The following PARD3 variants were observed in gnomAD, a reference collection of about 807,000 sequenced individuals.
PARD3 encodes the protein partitioning defective 3 homolog.
Under a neutral mutation model 155.4 loss-of-function variants are expected in PARD3, and 75 were observed. The ratio of observed to expected loss-of-function variants is 0.48; its 90% CI spans 0.40 to 0.58. PARD3 has a LOEUF of 0.58. PARD3 is among the 20% of genes least tolerant of loss of function. PARD3 has a pLI of 0.00. For synonymous variants in PARD3, 576 were observed against 610.5 expected (o/e 0.94, Z 0.83); for missense variants, 1,642 against 1,721.7 (o/e 0.95, Z 0.82).
intron 2 of PARD3, among the ~76,000 whole-genome samples, chr10:34,653,155 T>C (rs1033918627): frequency 3.2e-4 from 49 of 152,114 alleles, no homozygotes; most frequent in African/African-American, 1.2e-3. Flanking sequence ...AAAAATGGTA[T>C]TTTGGGCTGT....
intron 23 of PARD3, among the ~76,000 whole-genome samples, chr10:34,120,451 T>G (rs1170815800): frequency 6.6e-6 from 1 of 152,062 alleles, no homozygotes; most frequent in Non-Finnish European, 1.5e-5. Context: ...AAATAAAAAT[T>G]TGCTACAACT....
chr10:34,686,758 A>C (rs1429543799), intron 2 of PARD3, among the ~76,000 whole-genome samples: 1 of 151,610 alleles, frequency 6.6e-6, no homozygotes, highest in Non-Finnish European at 1.5e-5. Context: ...AAAAGAAAAA[A>C]AAAAGCCAGG....
intron 20 of PARD3, among the ~76,000 whole-genome samples, chr10:34,288,370 A>G (rs1206510073): frequency 6.6e-6 from 1 of 152,240 alleles, no homozygotes; most frequent in African/African-American, 2.4e-5. Flanking sequence ...ATATTACTTT[A>G]TAATTGGGAC....
At chr10:34,511,279 ATGT>A (rs753830221) in intron 3 of PARD3, among the ~76,000 whole-genome samples, 13 of 152,060 alleles carry the variant, frequency 8.5e-5, no homozygotes, top group Non-Finnish European at 1.8e-4. Context: ...CTTATAGGAG[ATGT>A]TGTGTTTTTT....
chr10:34,784,589 A>T (rs1840704933), intron 1 of PARD3, among the ~76,000 whole-genome samples: 1 of 152,142 alleles, frequency 6.6e-6, no homozygotes, highest in African/African-American at 2.4e-5. Flanking sequence ...GGCACACGCC[A>T]CCATGCCAGG....
At chr10:34,285,693 C>T (rs140444199) in intron 20 of PARD3, among the ~76,000 whole-genome samples, 99 of 151,958 alleles carry the variant, frequency 6.5e-4, no homozygotes, top group African/African-American at 2.1e-3. Context: ...TTTATTAATA[C>T]AAATCTGATT....
intron 3 of PARD3, among the ~76,000 whole-genome samples, chr10:34,503,822 C>T (rs1240936963): frequency 6.6e-6 from 1 of 152,164 alleles, no homozygotes; most frequent in Non-Finnish European, 1.5e-5. Context: ...TGGGAATACA[C>T]AGTGTGCCAG....
chr10:34,453,711 A>G (rs1418694959), intron 4 of PARD3, among the ~76,000 whole-genome samples: 1 of 152,234 alleles, frequency 6.6e-6, no homozygotes, highest in Non-Finnish European at 1.5e-5. Context: ...TGTCACACCT[A>G]CAGCATATGA....
In PARD3 at chr10:34,517,053, G is replaced by A; in HGVS notation, c.329C>T (p.Thr110Ile). 6.2e-7 allele frequency: 1 copy of A among 1,614,170 alleles called. No homozygotes were observed. Among genetic ancestry groups the A allele is most frequent in the Non-Finnish European group, 8.5e-7 (1 of 1,180,004 alleles). The change falls in exon 3 of 25, where the codon ACC becomes ATC. Residue 110 changes from threonine (T) to isoleucine (I), a missense_variant. This residue lies in a region of PARD3 where 1,529 missense variants were observed against 1,587.3 expected (regional missense o/e 0.96). Coordinates refer to ENST00000374788, the MANE Select transcript of PARD3 (RefSeq NM_001184785.2). ...SPEIFGSELGTNNVSAFQPYQ... is the reference protein window; with the variant it reads ...SPEIFGSELGINNVSAFQPYQ... ...AGGCTGAAAGGCTGAGACATTGTTGGTGCCAAGCTCACTACCAAATATCTC... is the reference window on the plus strand; with the variant it reads ...AGGCTGAAAGGCTGAGACATTGTTGATGCCAAGCTCACTACCAAATATCTC...
intron 20 of PARD3, among the ~76,000 whole-genome samples, chr10:34,299,968 T>C (rs940580458): frequency 6.6e-6 from 1 of 152,250 alleles, no homozygotes; most frequent in Non-Finnish European, 1.5e-5. Context: ...GTCTACACTT[T>C]CCTGGGAAAT....
intron 5 of PARD3, among the ~76,000 whole-genome samples, chr10:34,427,160 A>G (rs1269851093): frequency 2.0e-5 from 3 of 152,226 alleles, no homozygotes; most frequent in Admixed American, 6.5e-5. Flanking sequence ...TAAGAACAGG[A>G]TAACAGCGAT....
chr10:34,119,560 G>C (rs1279834951), intron 24 of PARD3, 53 bp downstream of exon 24: 19 of 1,533,396 alleles, frequency 1.2e-5, no homozygotes, highest in Non-Finnish European at 1.8e-6. Flanking sequence ...CTAAAGGGCG[G>C]GGGATCTTAA....
intron 2 of PARD3, among the ~76,000 whole-genome samples, chr10:34,643,268 G>A (rs2092736102): frequency 6.6e-6 from 1 of 152,190 alleles, no homozygotes; most frequent in South Asian, 2.1e-4. Context: ...GTGTTCTGTG[G>A]TACAACTTCA....
Position 34,696,294 on chromosome 10 carries a change from A to C in PARD3, c.222+24T>G, listed in dbSNP as rs780928108. The C allele has an allele frequency of 2.5e-5, 35 of 1,414,792 alleles. No homozygotes were observed. In the South Asian group the frequency reaches 4.0e-4, roughly 16 times the overall value. The allele number at this position is 1,414,792 out of a possible 1,614,324, so 87.6% of individuals were successfully genotyped here. On this transcript the variant is annotated intron_variant, in intron 2 of 24. Transcript: ENST00000374788. ...CAAAAAAAAAAAATGCATTCAGAAC[A>C]GGTTCCCCAGGACCTGAACTCACTC...
At chr10:34,394,480 C>T (rs1049263144) in intron 7 of PARD3, among the ~76,000 whole-genome samples, 2 of 152,156 alleles carry the variant, frequency 1.3e-5, no homozygotes, top group African/African-American at 4.8e-5. Context: ...TGTATGCCAG[C>T]ACACTCGGCT....
chr10:34,239,843 A>G (rs2133641621), intron 22 of PARD3, among the ~76,000 whole-genome samples: 1 of 152,120 alleles, frequency 6.6e-6, no homozygotes, highest in Admixed American at 6.6e-5. Context: ...AAGTAGAAAT[A>G]CCCTACCATC....
intron 2 of PARD3, among the ~76,000 whole-genome samples, chr10:34,539,119 C>CA (rs2083424453): frequency 6.6e-6 from 1 of 152,166 alleles, no homozygotes; most frequent in African/African-American, 2.4e-5. Flanking sequence ...TCAGACATCA[C>CA]AGGAGGTGTT....
At chr10:34,408,152 AAAG>A (rs1375120678) in intron 5 of PARD3, among the ~76,000 whole-genome samples, 2 of 152,148 alleles carry the variant, frequency 1.3e-5, no homozygotes, top group African/African-American at 4.8e-5. Flanking sequence ...ATAAAAACTT[AAAG>A]TTATACTTCT....
chr10:34,262,419 C>T (rs757279338), intron 22 of PARD3, among the ~76,000 whole-genome samples: 9 of 152,104 alleles, frequency 5.9e-5, no homozygotes, highest in Non-Finnish European at 1.0e-4. Context: ...GGTGTGTGAC[C>T]ACCATGCCCG....
Sources: gnomAD v4.1 joint callset for allele counts (sites outside exome capture counted in the v4.1 genomes callset) on GRCh38, gnomAD v4.1.1 for gene constraint, gnomAD v4.1.1 regional missense constraint, MANE v1.5 for transcripts, NCBI Gene and HGNC (gene_info 2026-07-23, HGNC 2026-07-21) for gene names.